Variants in SBF2 observed in about 807,000 individuals in gnomAD.
SBF2 encodes the protein SET binding factor 2.
A neutral mutation model predicts 225.2 loss-of-function variants in SBF2; 112 were observed. The ratio of observed to expected loss-of-function variants is 0.50; its 90% CI spans 0.43 to 0.58. The LOEUF (loss-of-function observed/expected upper bound fraction) is 0.58. Ranked by LOEUF, SBF2 falls within the 20% of genes least tolerant of loss-of-function variation. SBF2 has a pLI of 0.00. For synonymous variants in SBF2, 763 were observed against 773.3 expected (o/e 0.99, Z 0.22); for missense variants, 1,996 against 2,206.2 (o/e 0.90, Z 1.91).
chr11:10,298,481 A>G (rs1485914234), upstream of SBF2, among the ~76,000 whole-genome samples: 1 of 152,248 alleles, frequency 6.6e-6, no homozygotes, highest in Non-Finnish European at 1.5e-5. Context: ...CTAGTGGGCT[A>G]TTGCGGAGTA....
chr11:10,074,998 T>A (rs1044958071), intron 2 of SBF2, among the ~76,000 whole-genome samples: 5 of 152,222 alleles, frequency 3.3e-5, no homozygotes, highest in African/African-American at 1.2e-4. Flanking sequence ...CATTTAAAGC[T>A]GTCAAACAAT....
chr11:9,986,884 C>T (rs1265465655), intron 13 of SBF2, among the ~76,000 whole-genome samples: 1 of 152,088 alleles, frequency 6.6e-6, no homozygotes, highest in Non-Finnish European at 1.5e-5. Flanking sequence ...TGACACTATT[C>T]CACAAGATAC....
intron 1 of SBF2, among the ~76,000 whole-genome samples, chr11:10,217,344 C>CT (rs920743939): frequency 9.9e-5 from 15 of 152,208 alleles, no homozygotes; most frequent in Admixed American, 5.9e-4. Context: ...AAGATTATTT[C>CT]TTTTTTCTTG....
intron 28 of SBF2, among the ~76,000 whole-genome samples, chr11:9,824,902 T>C (rs1854978956): frequency 1.3e-5 from 2 of 152,210 alleles, no homozygotes; most frequent in African/African-American, 4.8e-5. Context: ...ACAAGAGTGC[T>C]TAGCAACTGA....
chr11:10,264,509 G>C (rs1223644454), intron 1 of SBF2, among the ~76,000 whole-genome samples: 1 of 151,870 alleles, frequency 6.6e-6, no homozygotes, highest in African/African-American at 2.4e-5. Flanking sequence ...CCATGTGCCA[G>C]GTATTTTGCC....
At chr11:10,228,202 C>G (rs1958665089) in intron 1 of SBF2, among the ~76,000 whole-genome samples, 5 of 152,300 alleles carry the variant, frequency 3.3e-5, no homozygotes, top group Middle Eastern at 3.4e-3. Context: ...AGTTGCTTAT[C>G]AACTTAGGGA....
chr11:10,036,315 G>A (rs1005168108), intron 3 of SBF2, among the ~76,000 whole-genome samples: 1 of 152,026 alleles, frequency 6.6e-6, no homozygotes, highest in African/African-American at 2.4e-5. Context: ...TAATGTAGAT[G>A]ACAGGTTGAT....
chr11:9,847,764 C>G (rs903769050), intron 22 of SBF2, among the ~76,000 whole-genome samples: 1 of 151,946 alleles, frequency 6.6e-6, no homozygotes, highest in Non-Finnish European at 1.5e-5. Context: ...AGATGAGAGT[C>G]TAGAAAAAAA....
At chr11:10,081,632 C>T (rs1462173553) in intron 2 of SBF2, among the ~76,000 whole-genome samples, 36 of 151,706 alleles carry the variant, frequency 2.4e-4, no homozygotes, top group Admixed American at 1.6e-3. Context: ...TGGTGACACG[C>T]GCCTGTAGTC....
chr11:9,887,158 AAAGTT>A (rs1210584996), intron 17 of SBF2, among the ~76,000 whole-genome samples: 1 of 152,010 alleles, frequency 6.6e-6, no homozygotes, highest in African/African-American at 2.4e-5. Flanking sequence ...TCACATGAAA[AAAGTT>A]AATTATCATT....
At chr11:10,042,736 C>A in intron 3 of SBF2, 108 bp downstream of exon 3, 5 of 1,124,556 alleles carry the variant, frequency 4.4e-6, no homozygotes, top group Non-Finnish European at 6.7e-6. Context: ...GCTTCTTATG[C>A]TAGCCCATAA....
chr11:10,151,825 C>T (rs117592904), intron 2 of SBF2, among the ~76,000 whole-genome samples: 1,818 of 152,300 alleles, frequency 0.012, 31 homozygotes, highest in Non-Finnish European at 0.019. Flanking sequence ...CTATTGCTGT[C>T]ACTATGCATA....
chr11:10,010,458 C>T (rs1170393850), intron 6 of SBF2, among the ~76,000 whole-genome samples: 1 of 152,156 alleles, frequency 6.6e-6, no homozygotes, highest in Non-Finnish European at 1.5e-5. Flanking sequence ...TTGCATATGG[C>T]TAGCCAGTTT....
intron 39 of SBF2, among the ~76,000 whole-genome samples, chr11:9,781,013 TTATA>T (rs1259966829): frequency 6.6e-6 from 1 of 152,222 alleles, no homozygotes; most frequent in Non-Finnish European, 1.5e-5. Flanking sequence ...CCTATCCTCT[TTATA>T]AAGCCCTGCT....
At chr11:10,217,770 C>T (rs1486308664) in intron 1 of SBF2, among the ~76,000 whole-genome samples, 2 of 152,134 alleles carry the variant, frequency 1.3e-5, no homozygotes, top group Admixed American at 6.5e-5. Context: ...AGTCTGTTCT[C>T]ACCCTGCTAA....
chr11:9,997,951 G>C (rs779009021), intron 9 of SBF2, among the ~76,000 whole-genome samples: 10 of 152,202 alleles, frequency 6.6e-5, no homozygotes, highest in Non-Finnish European at 1.2e-4. Flanking sequence ...GGATCTTAGG[G>C]GAATCAGGGA....
At chr11:9,928,439 C>A (rs1208496728) in intron 16 of SBF2, among the ~76,000 whole-genome samples, 2 of 152,176 alleles carry the variant, frequency 1.3e-5, no homozygotes, top group Non-Finnish European at 2.9e-5. Context: ...AATGGAAAGA[C>A]TGACTACAGG....
intron 16 of SBF2, among the ~76,000 whole-genome samples, chr11:9,940,247 CA>C (rs1372576813): frequency 6.6e-6 from 1 of 151,772 alleles, no homozygotes; most frequent in Non-Finnish European, 1.5e-5. Flanking sequence ...ACTAAAAATA[CA>C]AAAAAAATTA....
At chr11:9,816,312 G>A (rs202058990) in intron 29 of SBF2, among the ~76,000 whole-genome samples, 2 of 152,072 alleles carry the variant, frequency 1.3e-5, no homozygotes, top group East Asian at 3.9e-4. Flanking sequence ...CACATCTTAG[G>A]ACATGTGTCT....
Sources: gnomAD v4.1 joint callset for allele counts (sites outside exome capture counted in the v4.1 genomes callset) on GRCh38, gnomAD v4.1.1 for gene constraint, MANE v1.5 for transcripts, NCBI Gene and HGNC (gene_info 2026-07-23, HGNC 2026-07-21) for gene names.